CLPTM1L: variants seen among roughly 807,000 people sequenced by gnomAD.
CLPTM1L encodes the protein CLPTM1 like, also known as lipid scramblase CLPTM1L.
In CLPTM1L, 38 loss-of-function variants were observed where a neutral mutation model predicts 70.9. The ratio of observed to expected loss-of-function variants is 0.54; its 90% CI spans 0.41 to 0.70. The LOEUF (loss-of-function observed/expected upper bound fraction) is 0.70, where lower values mean the gene tolerates loss of function less well. Ranked by LOEUF, CLPTM1L falls within the 30% of genes least tolerant of loss-of-function variation. CLPTM1L has a pLI of 0.00. For synonymous variants in CLPTM1L, 339 were observed against 299.9 expected (o/e 1.13, Z -1.35); for missense variants, 652 against 705.9 (o/e 0.92, Z 0.87).
At position 1,344,869 on chromosome 5, in the gene CLPTM1L, C is replaced by T; in HGVS notation, c.-28G>A. 1 of 1,362,940 alleles carries T rather than the reference C, an allele frequency of 7.3e-7. No homozygotes were observed. The highest frequency in any genetic ancestry group is 3.4e-5 in the East Asian group (1 of 29,220). The allele number at this position is 1,362,940 out of a possible 1,614,324, so 84.4% of individuals were successfully genotyped here. On this transcript the variant is annotated 5_prime_UTR_variant, in exon 1 of 17. Coordinates refer to ENST00000320895, the MANE Select transcript of CLPTM1L (RefSeq NM_030782.5). ...CGGCCCCGCGCCCGGCGCCCCCGGC[C>T]CGCCCGCCTCTCAGCCGCGAGCCCC...
At position 1,342,624 on chromosome 5, in the gene CLPTM1L, G is replaced by T. The variant is rs1168463376; in HGVS notation, c.264-764C>A. ...CTCTTTTTTGAGACAAGGTCTCGCTGTCACCAGGCTGAAAGTGTAGGGGTG... is the reference window on the plus strand; with the variant it reads ...CTCTTTTTTGAGACAAGGTCTCGCTTTCACCAGGCTGAAAGTGTAGGGGTG... On this transcript the variant is annotated intron_variant, in intron 2 of 16. Coordinates refer to ENST00000320895, the MANE Select transcript of CLPTM1L (RefSeq NM_030782.5). This position sits in a 1 kb window ranked among gnomAD's most constrained non-coding sequence, Gnocchi z 4.3. 6.6e-6 allele frequency among the ~76,000 whole-genome samples: 1 copy of T among 152,232 alleles called. No homozygotes were observed. Among genetic ancestry groups the T allele is most frequent in the African/African-American group, 2.4e-5 (1 of 41,448 alleles).
intron 12 of CLPTM1L, among the ~76,000 whole-genome samples, chr5:1,323,361 C>G (rs896697990): frequency 7.6e-6 from 1 of 132,048 alleles, no homozygotes; most frequent in Non-Finnish European, 1.8e-5. Context: ...CTCCGGGATC[C>G]CTCTTGGCTC....
intron 5 of CLPTM1L, among the ~76,000 whole-genome samples, chr5:1,335,412 A>C (rs1184686638): frequency 1.3e-5 from 2 of 152,198 alleles, no homozygotes; most frequent in African/African-American, 4.8e-5. Flanking sequence ...TGAGCTCAGC[A>C]GCGCTAGCAG....
intron 5 of CLPTM1L, among the ~76,000 whole-genome samples, chr5:1,336,731 C>T (rs1426804406): frequency 6.6e-6 from 1 of 152,166 alleles, no homozygotes; most frequent in South Asian, 2.1e-4. Flanking sequence ...CAGACCTGCT[C>T]GCCAGCCACT....
In CLPTM1L at chr5:1,331,786, T is replaced by C. The variant is rs1753108754; in HGVS notation, c.976+13A>G. 6.2e-7 allele frequency: 1 copy of C among 1,612,162 alleles called. No individual in the cohort carries two copies. The highest frequency in any genetic ancestry group is 1.1e-5 in the South Asian group (1 of 91,074). On this transcript the variant is annotated intron_variant, in intron 8 of 16. Coordinates refer to ENST00000320895, the MANE Select transcript of CLPTM1L (RefSeq NM_030782.5). ...GCAGAGTATCTGAGCAGGGCCACGC[T>C]CGGGGGGCCTACCTGCCTTGGTGGA...
At chr5:1,327,253 C>G (rs1280893703) in intron 9 of CLPTM1L, among the ~76,000 whole-genome samples, 11 of 142,688 alleles carry the variant, frequency 7.7e-5, no homozygotes, top group African/African-American at 1.1e-4. Context: ...CCTCGACAGA[C>G]ACATTCCATC....
At chr5:1,323,271 C>T (rs568934518) in intron 12 of CLPTM1L, among the ~76,000 whole-genome samples, 2 of 149,066 alleles carry the variant, frequency 1.3e-5, no homozygotes, top group African/African-American at 5.0e-5. Context: ...CAGCACCCCA[C>T]CTGGGCAGCA....
At chr5:1,334,661 C>A (rs559642876) in intron 6 of CLPTM1L, among the ~76,000 whole-genome samples, 4 of 151,910 alleles carry the variant, frequency 2.6e-5, no homozygotes, top group East Asian at 3.9e-4. Flanking sequence ...GACTGAGGAA[C>A]GAGAATCGCT....
At chr5:1,327,604 AT>A (rs1752698938) in intron 9 of CLPTM1L, among the ~76,000 whole-genome samples, 1 of 148,336 alleles carries the variant, frequency 6.7e-6, no homozygotes, top group Admixed American at 6.7e-5. Flanking sequence ...CTACAGACAC[AT>A]TTCATCCAGC....
intron 3 of CLPTM1L, 69 bp from the exon 4 acceptor site, chr5:1,339,074 C>A: frequency 6.5e-7 from 1 of 1,539,640 alleles, no homozygotes; most frequent in Non-Finnish European, 8.8e-7. Context: ...AGGGTCAGCC[C>A]CCTAACCTGC....
chr5:1,337,764 G>A, intron 5 of CLPTM1L, 140 bp downstream of exon 5: 1 of 723,714 alleles, frequency 1.4e-6, no homozygotes, highest in Non-Finnish European at 2.4e-6. Flanking sequence ...ACACTCGAAG[G>A]CAGTGCTTCC....
intron 16 of CLPTM1L, among the ~76,000 whole-genome samples, chr5:1,319,213 C>A (rs139720941): frequency 0.027 from 4,122 of 152,230 alleles, 63 homozygotes; most frequent in African/African-American, 0.039. Context: ...AGGGGGCAGG[C>A]GGCCAGCTGG....
chr5:1,320,319 G>A (rs1309407990), intron 16 of CLPTM1L: 4 of 313,340 alleles, frequency 1.3e-5, no homozygotes, highest in East Asian at 6.0e-5. Flanking sequence ...ACTGTGAATA[G>A]GTAAATAAAT....
At chr5:1,327,457 A>ACG in intron 9 of CLPTM1L, among the ~76,000 whole-genome samples, 1 of 147,460 alleles carries the variant, frequency 6.8e-6, no homozygotes, top group East Asian at 2.0e-4. Flanking sequence ...CTCTACAGGG[A>ACG]CATTCCATCC....
chr5:1,320,765 G>A lies in CLPTM1L; in HGVS notation c.1417-34C>T, dbSNP rs74368690. The A allele has an allele frequency of 1.9e-4, 248 of 1,293,080 alleles. 1 individual carries two copies. In the East Asian group the frequency reaches 6.1e-3, roughly 32 times the overall value. The allele number at this position is 1,293,080 out of a possible 1,614,324, so 80.1% of individuals were successfully genotyped here. ...CCAGACGGGAGGAGGGTGAACCCCAGTTGCTGGGGCTGGAATCCTACTGTT... is the reference window on the plus strand; with the variant it reads ...CCAGACGGGAGGAGGGTGAACCCCAATTGCTGGGGCTGGAATCCTACTGTT... On this transcript the variant is annotated intron_variant, in intron 15 of 16. Transcript: ENST00000320895.
chr5:1,320,483 A>G (rs750256463), intron 16 of CLPTM1L, 133 bp downstream of exon 16: 6 of 517,556 alleles, frequency 1.2e-5, no homozygotes, highest in Non-Finnish European at 2.0e-5. Flanking sequence ...GACAGGAAAA[A>G]CCACCACCTG....
At position 1,322,867 on chromosome 5, in the gene CLPTM1L, A is replaced by G; in HGVS notation, c.1315+10T>C. ...CACTAGTACTGAAGCAGGGAAGCACATGGACTCACCGTTGACGAAGCTGTT... is the reference window on the plus strand; with the variant it reads ...CACTAGTACTGAAGCAGGGAAGCACGTGGACTCACCGTTGACGAAGCTGTT... On this transcript the variant is annotated intron_variant, in intron 13 of 16. Coordinates refer to ENST00000320895, the MANE Select transcript of CLPTM1L (RefSeq NM_030782.5). 1 of 1,613,736 alleles carries G rather than the reference A, an allele frequency of 6.2e-7. No homozygotes were observed. The highest frequency in any genetic ancestry group is 8.5e-7 in the Non-Finnish European group (1 of 1,179,646).
intron 8 of CLPTM1L, chr5:1,330,929 G>C (rs962693606): frequency 1.3e-5 from 2 of 153,770 alleles, no homozygotes; most frequent in African/African-American, 4.8e-5. Flanking sequence ...AAAGGCATTA[G>C]GGTTAGGAGA....
At chr5:1,326,424 T>G (rs1291359021) in intron 9 of CLPTM1L, 1 of 229,974 alleles carries the variant, frequency 4.3e-6, no homozygotes, top group Non-Finnish European at 8.2e-6. Context: ...TTCATCCAGC[T>G]CCTCCTCGAC....
Sources: gnomAD v4.1 joint callset for allele counts (sites outside exome capture counted in the v4.1 genomes callset) on GRCh38, gnomAD v4.1.1 for gene constraint, Gnocchi (gnomAD v3.1) non-coding constraint, MANE v1.5 for transcripts, NCBI Gene and HGNC (gene_info 2026-07-23, HGNC 2026-07-21) for gene names.